Variants in MTA1 observed in about 807,000 individuals in gnomAD.
MTA1 encodes the protein metastasis-associated protein MTA1.
In MTA1, 15 loss-of-function variants were observed where a neutral mutation model predicts 97.0. That is an observed-to-expected ratio of 0.15 (90% confidence interval 0.10 to 0.24). The LOEUF is 0.24. Among genes scored for constraint, MTA1 ranks in the 10% least tolerant of loss-of-function variants. The pLI is 1.00. For missense variants in MTA1, 709 were observed against 1,015.1 expected (o/e 0.70, Z 4.10); for synonymous variants, 435 against 417.5 (o/e 1.04, Z -0.51).
At chr14:105,436,835 A>G (rs1229250529) in intron 1 of MTA1, among the ~76,000 whole-genome samples, 1 of 152,230 alleles carries the variant, frequency 6.6e-6, no homozygotes, top group Non-Finnish European at 1.5e-5. Flanking sequence ...AAAGTTTGAG[A>G]TATCTACATG....
chr14:105,456,465 C>T (rs1555429937), intron 7 of MTA1, among the ~76,000 whole-genome samples: 1 of 152,214 alleles, frequency 6.6e-6, no homozygotes, highest in African/African-American at 2.4e-5. Flanking sequence ...GCCTCCTCTC[C>T]CCACGCTGCC....
chr14:105,424,426 C>T lies in MTA1; in HGVS notation c.28+4363C>T, dbSNP rs2141395616. Among the ~76,000 whole-genome samples, 1 of 151,716 alleles carries T rather than the reference C, an allele frequency of 6.6e-6. No individual in the cohort carries two copies. The highest frequency in any genetic ancestry group is 2.4e-5 in the African/African-American group (1 of 41,312). ...CTGTGTTAGCCAGTATGGTCTCGAT[C>T]TCCTGACCTTGTGACCCACCCGCCT... is the stretch of plus-strand genomic sequence containing the variant. On this transcript the variant is annotated intron_variant, in intron 1 of 20. Coordinates refer to ENST00000331320, the MANE Select transcript of MTA1 (RefSeq NM_004689.4). This position sits in a 1 kb window ranked among gnomAD's most constrained non-coding sequence, Gnocchi z 4.0.
chr14:105,466,437 C>CCCCCCCCCCCCCCCCA lies in MTA1; in HGVS notation c.1636_1637insCCCCCCCCCCCCCCCA (p.Arg546ProfsTer11). The stretch of plus-strand genomic sequence containing the variant: ...GTCATTCCCGGCAGAGACCCACCCC[C>CCCCCCCCCCCCCCCCA]GCCCCCCCAAGCCTGACCCCGTGAA... On this transcript the variant is annotated frameshift_variant, in exon 17 of 21. Transcript: ENST00000331320. LOFTEE classifies it high-confidence loss of function. 6.7e-7 allele frequency: 1 copy of CCCCCCCCCCCCCCCCA among 1,498,258 alleles called. No individual in the cohort carries two copies. The allele number at this position is 1,498,258 out of a possible 1,614,324, so 92.8% of individuals were successfully genotyped here.
rs782294316 is a variant in MTA1 at position 105,470,118 on chromosome 14, C to T, written c.2051C>T (p.Pro684Leu). ...SSETKRAARR[P>L]YKPIALRQSQ... ...GAAACCAAGCGTGCTGCCCGCCGGC[C>T]CTACAAGCCCATCGCCCTGCGCCAG... is the stretch of plus-strand genomic sequence containing the variant. Residue 684 changes from proline to leucine, a missense_variant, in exon 21 of 21, where the codon CCC becomes CTC. By Grantham distance (98) the Pro-to-Leu change is moderately conservative. Coordinates refer to ENST00000331320, the MANE Select transcript of MTA1 (RefSeq NM_004689.4). The T allele has an allele frequency of 6.2e-7, 1 of 1,612,544 alleles. No homozygotes were observed. Among genetic ancestry groups the T allele is most frequent in the Admixed American group, 1.7e-5 (1 of 60,008 alleles).
In MTA1 at chr14:105,454,182, G is replaced by A; in HGVS notation, c.433-11G>A. On this transcript the variant is annotated splice_polypyrimidine_tract_variant and intron_variant, in intron 6 of 20. Transcript: ENST00000331320. Reference sequence around the variant, plus strand: ...TGCTGACGCCTCTCTGTCTCCTGTGGTGTTTTCCAGGATTTCTTCTTCTAT... The same window carrying A: ...TGCTGACGCCTCTCTGTCTCCTGTGATGTTTTCCAGGATTTCTTCTTCTAT... 6.3e-7 allele frequency: 1 copy of A among 1,599,602 alleles called. No homozygotes were observed. Among genetic ancestry groups the A allele is most frequent in the Non-Finnish European group, 8.6e-7 (1 of 1,167,536 alleles).
chr14:105,419,855 C>T lies in MTA1; in HGVS notation c.-181C>T, dbSNP rs1354648488. ...TTCCTCTCCCGCCCGCGCCGCGGCC[C>T]TCCCGTCCCTGCGCGGCCTCGGCGG... On this transcript the variant is annotated 5_prime_UTR_variant, in exon 1 of 21. Transcript: ENST00000331320. 1.2e-5 allele frequency: 2 copies of T among 162,998 alleles called. No homozygotes were observed. The highest frequency in any genetic ancestry group is 2.4e-5 in the African/African-American group (1 of 40,992). 10.1% of individuals were successfully genotyped at this position (162,998 alleles called of 1,614,324 possible).
chr14:105,440,229 G>A (rs1296594271), intron 2 of MTA1, among the ~76,000 whole-genome samples: 1 of 152,266 alleles, frequency 6.6e-6, no homozygotes, highest in Admixed American at 6.5e-5. Context: ...TCCTGTGGCT[G>A]AGCCTCCTGA....
intron 1 of MTA1, among the ~76,000 whole-genome samples, chr14:105,437,628 T>G (rs1252191135): frequency 1.3e-5 from 2 of 152,242 alleles, no homozygotes; most frequent in African/African-American, 4.8e-5. Flanking sequence ...TGTGGACAGA[T>G]GGGCTGGGCT....
intron 1 of MTA1, among the ~76,000 whole-genome samples, chr14:105,423,254 C>A (rs1374790098): frequency 8.1e-6 from 1 of 124,072 alleles, no homozygotes; most frequent in Non-Finnish European, 1.6e-5. Context: ...GAGTCTTGCT[C>A]TGTGGCCCAA....
chr14:105,466,428 A>ACCCCCCCCCCCCCCCCCCCCCC lies in MTA1; in HGVS notation c.1630_1631insCCCCCCCCCCCCCCCCCCCCCC (p.His544ProfsTer15). On this transcript the variant is annotated frameshift_variant, in exon 17 of 21. Transcript: ENST00000331320. LOFTEE classifies it high-confidence loss of function. ...TCTGCCTGTGTCATTCCCGGCAGAG[A>ACCCCCCCCCCCCCCCCCCCCCC]CCCACCCCCGCCCCCCCAAGCCTGA... 3.8e-6 allele frequency: 3 copies of ACCCCCCCCCCCCCCCCCCCCCC among 795,146 alleles called. No homozygotes were observed. Among genetic ancestry groups the ACCCCCCCCCCCCCCCCCCCCCC allele is most frequent in the Non-Finnish European group, 4.2e-6 (2 of 474,348 alleles). The allele number at this position is 795,146 out of a possible 1,614,324, so 49.3% of individuals were successfully genotyped here. A position where few individuals can be genotyped will look rare whatever the true frequency, so the allele number is the denominator to read the frequency against.
At chr14:105,469,813 C>T in intron 19 of MTA1, 28 bp from the exon 20 acceptor site, 2 of 1,584,496 alleles carry the variant, frequency 1.3e-6, no homozygotes, top group East Asian at 2.3e-5. Flanking sequence ...CCTTGGCTGG[C>T]TGCCCAGGAA....
intron 2 of MTA1, among the ~76,000 whole-genome samples, chr14:105,441,712 T>G (rs369292152): frequency 1.2e-4 from 19 of 152,170 alleles, no homozygotes; most frequent in East Asian, 1.2e-3. Flanking sequence ...GAGAATGGCG[T>G]GAACCCGGGA....
chr14:105,435,870 C>T (rs1197152313), intron 1 of MTA1, among the ~76,000 whole-genome samples: 4 of 152,176 alleles, frequency 2.6e-5, no homozygotes, highest in Admixed American at 6.5e-5. Context: ...CAGTAGGATC[C>T]GTAGTGATGT....
At chr14:105,464,204 C>T (rs2083472714) in intron 13 of MTA1, 57 bp downstream of exon 13, 8 of 1,552,486 alleles carry the variant, frequency 5.2e-6, no homozygotes, top group South Asian at 1.2e-5. Flanking sequence ...GCCGTGGTGC[C>T]TGCGTTGGCC....
chr14:105,465,211 CCCAA>C, intron 16 of MTA1, 28 bp downstream of exon 16: 3 of 1,483,384 alleles, frequency 2.0e-6, no homozygotes, highest in Non-Finnish European at 2.7e-6. Flanking sequence ...CTGGGGGGCT[CCCAA>C]TGCTGCCTGC....
chr14:105,461,663 G>T (rs1267033690), intron 10 of MTA1, among the ~76,000 whole-genome samples: 1 of 152,222 alleles, frequency 6.6e-6, no homozygotes, highest in Non-Finnish European at 1.5e-5. Context: ...CGCAGCAGAG[G>T]CTGGAGACGC....
chr14:105,446,941 T>A (rs1283942745), intron 3 of MTA1, among the ~76,000 whole-genome samples: 1 of 152,172 alleles, frequency 6.6e-6, no homozygotes, highest in Non-Finnish European at 1.5e-5. Flanking sequence ...TGGTGATCCT[T>A]GACCTCTGAC....
At chr14:105,442,908 G>A (rs1192506328) in intron 2 of MTA1, among the ~76,000 whole-genome samples, 1 of 152,252 alleles carries the variant, frequency 6.6e-6, no homozygotes, top group Non-Finnish European at 1.5e-5. Flanking sequence ...TGGGGTGCAT[G>A]TGTGGCAATG....
At chr14:105,460,067 G>C (rs6576107) in intron 8 of MTA1, among the ~76,000 whole-genome samples, 2,522 of 2,924 alleles carry the variant, frequency 0.86, 1,230 homozygotes, top group East Asian at 0.96. Flanking sequence ...AGCGGTGTGC[G>C]TGGGGGAAGT....
Sources: gnomAD v4.1 joint callset for allele counts (sites outside exome capture counted in the v4.1 genomes callset) on GRCh38, gnomAD v4.1.1 for gene constraint, Gnocchi (gnomAD v3.1) non-coding constraint, MANE v1.5 for transcripts, NCBI Gene and HGNC (gene_info 2026-07-23, HGNC 2026-07-21) for gene names.